ADPGK: variants seen among roughly 807,000 people sequenced by gnomAD.
The protein encoded by ADPGK is ADP-dependent glucokinase.
A neutral mutation model predicts 42.4 loss-of-function variants in ADPGK; 26 were observed. The ratio of observed to expected loss-of-function variants is 0.61; its 90% CI spans 0.45 to 0.85. The LOEUF is 0.85. Among genes scored for constraint, ADPGK ranks in the 40% least tolerant of loss-of-function variants. The pLI is 0.00. For missense variants in ADPGK, 571 were observed against 627.0 expected (o/e 0.91, Z 0.95); for synonymous variants, 267 against 252.6 (o/e 1.06, Z -0.54).
intron 4 of ADPGK, chr15:72,757,811 T>C (rs1165092517): frequency 2.8e-6 from 1 of 352,120 alleles, no homozygotes. Flanking sequence ...AACCCTTGAA[T>C]AGTGACACTG....
chr15:72,763,048 AGGTATACGGAAC>A (rs2066214208), intron 3 of ADPGK, among the ~76,000 whole-genome samples: 2 of 152,214 alleles, frequency 1.3e-5, no homozygotes, highest in South Asian at 4.1e-4. Context: ...AAGAATTTCC[AGGTATACGGAAC>A]CTGAAAGAAT....
chr15:72,763,474 C>T (rs189207463), intron 3 of ADPGK, among the ~76,000 whole-genome samples: 1 of 152,160 alleles, frequency 6.6e-6, no homozygotes, highest in East Asian at 1.9e-4. Flanking sequence ...GCGTGAGCCA[C>T]CATACCCAGC....
intron 3 of ADPGK, among the ~76,000 whole-genome samples, chr15:72,765,078 T>C (rs185957005): frequency 4.1e-4 from 62 of 152,044 alleles, no homozygotes; most frequent in Non-Finnish European, 6.6e-4. Context: ...TGGAAATGTA[T>C]AAGGAGAAGG....
intron 3 of ADPGK, among the ~76,000 whole-genome samples, chr15:72,762,166 G>C (rs1163836592): frequency 1.3e-5 from 2 of 152,044 alleles, no homozygotes; most frequent in East Asian, 1.9e-4. Context: ...CACCGCGCCT[G>C]GCCTAATTTT....
chr15:72,774,180 G>C (rs1407795725), intron 2 of ADPGK, among the ~76,000 whole-genome samples: 3 of 152,182 alleles, frequency 2.0e-5, no homozygotes, highest in Non-Finnish European at 4.4e-5. Context: ...TAGTCACAAA[G>C]GTTTGCCTGT....
At chr15:72,758,336 T>G in intron 4 of ADPGK, 1 of 639,716 alleles carries the variant, frequency 1.6e-6, no homozygotes, top group Non-Finnish European at 2.9e-6. Context: ...CCTCAGCCAG[T>G]AAGTCAGCAA....
intron 3 of ADPGK, among the ~76,000 whole-genome samples, chr15:72,761,842 G>A (rs575848097): frequency 6.6e-6 from 1 of 152,062 alleles, no homozygotes; most frequent in African/African-American, 2.4e-5. Flanking sequence ...GGGACTACAG[G>A]CATAAGCCAC....
At chr15:72,770,719 A>G (rs1046828706) in intron 3 of ADPGK, among the ~76,000 whole-genome samples, 10 of 152,138 alleles carry the variant, frequency 6.6e-5, no homozygotes, top group Non-Finnish European at 1.0e-4. Context: ...ATTTCATGAG[A>G]ACTTTGATTC....
intron 4 of ADPGK, among the ~76,000 whole-genome samples, chr15:72,759,508 T>C (rs1031016960): frequency 1.3e-5 from 2 of 152,232 alleles, no homozygotes; most frequent in African/African-American, 4.8e-5. Context: ...CTCTTTTTTC[T>C]ACCTGGAGAA....
chr15:72,755,916 G>T (rs2066107165), intron 5 of ADPGK: 3 of 649,374 alleles, frequency 4.6e-6, no homozygotes, highest in Non-Finnish European at 8.6e-6. Context: ...CGAATCTGTA[G>T]GAGTTGCAGC....
intron 3 of ADPGK, among the ~76,000 whole-genome samples, chr15:72,768,653 G>A (rs1306449419): frequency 2.6e-5 from 4 of 151,510 alleles, no homozygotes; most frequent in African/African-American, 9.7e-5. Flanking sequence ...TGGGCAGAGC[G>A]AGACTCCATC....
chr15:72,756,309 G>A lies in ADPGK; in HGVS notation c.782C>T (p.Ser261Phe), dbSNP rs142833607. The part of the protein sequence containing the change: ...EEFQPDLVVL[S>F]GLHMMEGQSK... ...TTGTCCCTCCATCATGTGCAATCCA[G>A]AGAGGACCACCAGGTCTGGCTGAAA... is the stretch of plus-strand genomic sequence containing the variant. Residue 261 changes from serine (S) to phenylalanine (F), a missense_variant, in exon 5 of 7, where the codon TCT becomes TTT. Physicochemically the swap from Ser to Phe is radical, Grantham distance 155. Transcript: ENST00000456471. 2 of 1,614,086 alleles carry A rather than the reference G, an allele frequency of 1.2e-6. No individual in the cohort carries two copies. Among genetic ancestry groups the A allele is most frequent in the Non-Finnish European group, 1.7e-6 (2 of 1,180,044 alleles).
intron 4 of ADPGK, among the ~76,000 whole-genome samples, chr15:72,759,360 G>A (rs1386390085): frequency 6.6e-6 from 1 of 152,182 alleles, no homozygotes; most frequent in Admixed American, 6.5e-5. Context: ...AACTAAAGCT[G>A]AGAAACTCAA....
chr15:72,766,458 C>T (rs187785720), intron 3 of ADPGK, among the ~76,000 whole-genome samples: 140 of 152,308 alleles, frequency 9.2e-4, no homozygotes, highest in African/African-American at 3.3e-3. Flanking sequence ...CCATCAACAT[C>T]AAGGCAAAAC....
chr15:72,769,385 G>A (rs1427500647), intron 3 of ADPGK, among the ~76,000 whole-genome samples: 1 of 151,956 alleles, frequency 6.6e-6, no homozygotes, highest in Non-Finnish European at 1.5e-5. Flanking sequence ...TTGCTCTGTC[G>A]CCCAGGCTGG....
intron 4 of ADPGK, 53 bp from the exon 5 acceptor site, chr15:72,756,500 C>T (rs1326140679): frequency 1.3e-6 from 2 of 1,594,350 alleles, no homozygotes; most frequent in African/African-American, 2.7e-5. Flanking sequence ...CTTTAGGTCT[C>T]CTAGCTGTGG....
At chr15:72,775,397 T>C (rs1043018126) in intron 1 of ADPGK, among the ~76,000 whole-genome samples, 1 of 152,208 alleles carries the variant, frequency 6.6e-6, no homozygotes, top group Non-Finnish European at 1.5e-5. Context: ...AAATGTAACA[T>C]TTCTGAGAAA....
At chr15:72,778,969 T>C (rs2066423231) in intron 1 of ADPGK, among the ~76,000 whole-genome samples, 1 of 152,180 alleles carries the variant, frequency 6.6e-6, no homozygotes, top group African/African-American at 2.4e-5. Flanking sequence ...TCATCACTGC[T>C]TTCAGCTGAG....
At chr15:72,768,752 G>A (rs867636359) in intron 3 of ADPGK, among the ~76,000 whole-genome samples, 6 of 151,990 alleles carry the variant, frequency 3.9e-5, no homozygotes, top group Non-Finnish European at 7.4e-5. Context: ...CAGGCGGATC[G>A]CTTGAGGTCG....
Sources: allele counts gnomAD v4.1 joint callset (sites outside exome capture counted in the v4.1 genomes callset), GRCh38; gene constraint gnomAD v4.1.1; transcripts MANE v1.5; gene names NCBI Gene and HGNC (gene_info 2026-07-23, HGNC 2026-07-21).